PAPSS2: variants seen among roughly 807,000 people sequenced by gnomAD.
PAPSS2 encodes 3'-phosphoadenosine 5'-phosphosulfate synthase 2, also known as bifunctional 3'-phosphoadenosine 5'-phosphosulfate synthase 2.
PAPSS2 carries 61 observed loss-of-function variants against 66.5 expected under a neutral mutation model. That is an observed-to-expected ratio of 0.92 (90% CI 0.75 to 1.14). PAPSS2 has a LOEUF of 1.14. Ranked by LOEUF, PAPSS2 falls within the 50% of genes most tolerant of loss-of-function variation. The pLI, the probability that PAPSS2 is intolerant of heterozygous loss-of-function variation, is 0.00. For synonymous variants in PAPSS2, 289 were observed against 287.5 expected, an observed-to-expected ratio of 1.01 and a Z score of -0.05; for missense variants, 708 against 789.6, an observed-to-expected ratio of 0.90 and a Z score of 1.24.
chr10:87,671,980 G>A (rs1449176261), intron 1 of PAPSS2, among the ~76,000 whole-genome samples: 1 of 152,172 alleles, frequency 6.6e-6, no homozygotes, highest in Non-Finnish European at 1.5e-5. Context: ...CTGTATTATA[G>A]CGGAGTTCCT....
intron 1 of PAPSS2, among the ~76,000 whole-genome samples, chr10:87,673,971 G>A (rs1852913169): frequency 6.6e-6 from 1 of 151,970 alleles, no homozygotes; most frequent in East Asian, 1.9e-4. Context: ...ATGTTATCTT[G>A]GGACTGTCCA....
intron 9 of PAPSS2, among the ~76,000 whole-genome samples, chr10:87,732,066 T>C (rs1853736892): frequency 6.6e-6 from 1 of 152,184 alleles, no homozygotes; most frequent in South Asian, 2.1e-4. Context: ...TCAATTGATA[T>C]GACCAACTTC....
At chr10:87,711,257 G>A (rs1853459961) in intron 2 of PAPSS2, among the ~76,000 whole-genome samples, 2 of 152,208 alleles carry the variant, frequency 1.3e-5, no homozygotes, top group Admixed American at 6.5e-5. Context: ...ACTTATGGAG[G>A]TGTCGATAGA....
chr10:87,746,033 A>C lies in PAPSS2; in HGVS notation c.*63A>C. ...GATTACCTTTTCTATTTTTATGATT[A>C]GATGCTTTGTATTAAATTGCTTCTC... On this transcript the variant is annotated 3_prime_UTR_variant, in exon 13 of 13. Coordinates refer to ENST00000456849, the MANE Select transcript of PAPSS2 (RefSeq NM_001015880.2). 1 of 1,495,238 alleles carries C rather than the reference A, an allele frequency of 6.7e-7. No individual in the cohort carries two copies. The highest frequency in any genetic ancestry group is 9.3e-7 in the Non-Finnish European group (1 of 1,073,618). The allele number at this position is 1,495,238 out of a possible 1,614,324, so 92.6% of individuals were successfully genotyped here. A position where few individuals can be genotyped will look rare whatever the true frequency, so the allele number is the denominator to read the frequency against.
At chr10:87,707,019 A>G (rs1410608621) in intron 1 of PAPSS2, among the ~76,000 whole-genome samples, 1 of 152,164 alleles carries the variant, frequency 6.6e-6, no homozygotes, top group Non-Finnish European at 1.5e-5. Context: ...AACTTCACCC[A>G]GCTGATCCCA....
intron 1 of PAPSS2, among the ~76,000 whole-genome samples, chr10:87,679,248 A>G (rs1159238246): frequency 6.6e-6 from 1 of 152,202 alleles, no homozygotes; most frequent in Non-Finnish European, 1.5e-5. Context: ...CAAGGTAGAG[A>G]GTAGAATGAT....
intron 1 of PAPSS2, among the ~76,000 whole-genome samples, chr10:87,695,862 C>A (rs1279911372): frequency 6.6e-6 from 1 of 152,202 alleles, no homozygotes; most frequent in East Asian, 1.9e-4. Flanking sequence ...AGTTTTATCA[C>A]AAAGAGCCCT....
intron 1 of PAPSS2, among the ~76,000 whole-genome samples, chr10:87,693,176 G>A (rs1853191999): frequency 6.6e-6 from 1 of 152,160 alleles, no homozygotes; most frequent in Non-Finnish European, 1.5e-5. Flanking sequence ...TTCTGATCAA[G>A]TTTCCTGAGT....
At chr10:87,703,276 CGTGTGTGTGTGTGTGTGTGTGTGT>C (rs10673718) in intron 1 of PAPSS2, among the ~76,000 whole-genome samples, 1 of 145,476 alleles carries the variant, frequency 6.9e-6, no homozygotes, top group South Asian at 2.3e-4. Context: ...AACAACATTG[CGTGTGTGTGTGTGTGTGTGTGTGT>C]GTGTGTGTGT....
chr10:87,675,453 C>T (rs1421189095), intron 1 of PAPSS2, among the ~76,000 whole-genome samples: 1 of 152,136 alleles, frequency 6.6e-6, no homozygotes, highest in Non-Finnish European at 1.5e-5. Flanking sequence ...GACATAATCC[C>T]TTTTGTATTC....
At position 87,661,297 on chromosome 10, in the gene PAPSS2, G is replaced by A. The variant is rs527998871; in HGVS notation, c.27+1289G>A. 9.9e-5 allele frequency among the ~76,000 whole-genome samples: 15 copies of A among 152,106 alleles called. No homozygotes were observed. In the South Asian group the frequency reaches 3.1e-3, roughly 32 times the overall value. On this transcript the variant is annotated intron_variant, in intron 1 of 12. Coordinates refer to ENST00000456849, the MANE Select transcript of PAPSS2 (RefSeq NM_001015880.2). Reference sequence around the variant, plus strand: ...CAGCAGGAGGGTCCAGGGTGTAGGTGGCATCAATTTGGGAAGGGACATTTA... The same window carrying A: ...CAGCAGGAGGGTCCAGGGTGTAGGTAGCATCAATTTGGGAAGGGACATTTA...
At chr10:87,705,132 T>C (rs1853367120) in intron 1 of PAPSS2, among the ~76,000 whole-genome samples, 1 of 152,224 alleles carries the variant, frequency 6.6e-6, no homozygotes, top group Admixed American at 6.5e-5. Flanking sequence ...ATTAGTGCAT[T>C]AGTTTTCTGT....
intron 1 of PAPSS2, among the ~76,000 whole-genome samples, chr10:87,684,705 G>T (rs1450000602): frequency 1.3e-5 from 2 of 152,190 alleles, no homozygotes; most frequent in Non-Finnish European, 2.9e-5. Flanking sequence ...TGGGCAGTTG[G>T]GTGTCTCAAT....
rs753173395 is a variant in PAPSS2 at position 87,660,009 on chromosome 10, G to T, written c.27+1G>T. The T allele has an allele frequency of 1.9e-5, 30 of 1,612,812 alleles. No individual in the cohort carries two copies. The highest frequency in any genetic ancestry group is 2.5e-5 in the Non-Finnish European group (30 of 1,179,554). On this transcript the variant is annotated splice_donor_variant, in intron 1 of 12. Transcript: ENST00000456849. LOFTEE classifies it high-confidence loss of function. ...GTCGGGGATCAAGAAGCAAAAGACG[G>T]TAGGCTTCCAGGCGCCGGCTTCCCT... is the stretch of plus-strand genomic sequence containing the variant.
intron 1 of PAPSS2, among the ~76,000 whole-genome samples, chr10:87,663,377 G>A (rs753884799): frequency 1.3e-5 from 2 of 152,072 alleles, no homozygotes; most frequent in African/African-American, 2.4e-5. Flanking sequence ...CTTCCAAAGT[G>A]CTGGGATTGC....
At chr10:87,660,744 T>C (rs1211154224) in intron 1 of PAPSS2, among the ~76,000 whole-genome samples, 1 of 141,378 alleles carries the variant, frequency 7.1e-6, no homozygotes, top group Non-Finnish European at 1.5e-5. Context: ...TGGGCACCTA[T>C]AAATTTTGCA....
rs186743373 is a variant in PAPSS2 at position 87,690,794 on chromosome 10, T to G, written c.28-18402T>G. ...TGTGCTTTTATGTACATTTCCTCAT[T>G]TAATCCTCATAACAGTTCAGTAAGG... On this transcript the variant is annotated intron_variant, in intron 1 of 12. Coordinates refer to ENST00000456849, the MANE Select transcript of PAPSS2 (RefSeq NM_001015880.2). Among the ~76,000 whole-genome samples the G allele has an allele frequency of 1.1e-3, 167 of 152,320 alleles. 5 individuals carry two copies. The highest frequency in any genetic ancestry group is 9.3e-3 in the Admixed American group (142 of 15,304).
intron 9 of PAPSS2, among the ~76,000 whole-genome samples, chr10:87,738,314 C>T (rs1203946513): frequency 1.3e-5 from 2 of 152,180 alleles, no homozygotes; most frequent in South Asian, 2.1e-4. Flanking sequence ...ATAGTGGTTG[C>T]ACCTTTTACA....
intron 1 of PAPSS2, among the ~76,000 whole-genome samples, chr10:87,698,468 T>C (rs1853262705): frequency 6.6e-6 from 1 of 152,210 alleles, no homozygotes; most frequent in Non-Finnish European, 1.5e-5. Context: ...ATCATTTCTC[T>C]CAATTTTCAC....
Sources: allele counts gnomAD v4.1 joint callset (sites outside exome capture counted in the v4.1 genomes callset), GRCh38; gene constraint gnomAD v4.1.1; transcripts MANE v1.5; gene names NCBI Gene and HGNC (gene_info 2026-07-23, HGNC 2026-07-21).